APLF: variants seen among roughly 807,000 people sequenced by gnomAD.
APLF encodes the protein aprataxin and PNKP like factor, also known as aprataxin and PNK-like factor.
In APLF, 61 loss-of-function variants were observed where a neutral mutation model predicts 55.6. That is an observed-to-expected ratio of 1.10 (90% CI 0.89 to 1.36). The LOEUF is 1.36. APLF is among the 40% of genes most tolerant of loss of function. APLF has a pLI of 0.00. For synonymous variants in APLF, 207 were observed against 214.8 expected (o/e 0.96, Z 0.32); for missense variants, 611 against 602.5 (o/e 1.01, Z -0.15).
intron 6 of APLF, among the ~76,000 whole-genome samples, chr2:68,531,809 A>T (rs1670265535): frequency 1.3e-5 from 2 of 152,232 alleles, no homozygotes. Flanking sequence ...ATCACAAGAA[A>T]AACTTTGAGA....
chr2:68,551,603 C>CTTCTTTTTT (rs71395976), intron 8 of APLF, among the ~76,000 whole-genome samples: 1 of 115,748 alleles, frequency 8.6e-6, no homozygotes, highest in African/African-American at 3.3e-5. Flanking sequence ...TCTTCTTCTT[C>CTTCTTTTTT]TTTTTTTTTT....
chr2:68,515,651 T>G (rs1021484161), intron 5 of APLF: 1 of 984,548 alleles, frequency 1.0e-6, no homozygotes, highest in Admixed American at 6.2e-5. Flanking sequence ...TGAGAGTAAT[T>G]TGACATTGGT....
chr2:68,547,284 A>T (rs1670735047), intron 8 of APLF, among the ~76,000 whole-genome samples: 1 of 151,838 alleles, frequency 6.6e-6, no homozygotes, highest in Non-Finnish European at 1.5e-5. Context: ...TGATTGAATT[A>T]TTCAGTAGTG....
chr2:68,477,081 T>C (rs547784865), intron 1 of APLF, among the ~76,000 whole-genome samples: 2 of 152,348 alleles, frequency 1.3e-5, no homozygotes, highest in Non-Finnish European at 2.9e-5. Flanking sequence ...AAATCTATTA[T>C]AAAAAGGTAA....
At chr2:68,527,928 G>T (rs1670122785) in intron 6 of APLF, among the ~76,000 whole-genome samples, 2 of 138,908 alleles carry the variant, frequency 1.4e-5, no homozygotes, top group South Asian at 2.3e-4. Context: ...ACTCCTCACT[G>T]CCCAGACGGG....
At chr2:68,569,953 G>A (rs891054199) in intron 9 of APLF, among the ~76,000 whole-genome samples, 11 of 152,026 alleles carry the variant, frequency 7.2e-5, no homozygotes, top group Admixed American at 3.3e-4. Flanking sequence ...TGAGGTGGGG[G>A]TATCATAAGA....
chr2:68,579,107 C>T lies in APLF; in HGVS notation c.*1085C>T, dbSNP rs907848141. ...AAGCCAAAAGAATCTTTGTTAAATG[C>T]TATTATTTTCTACTCTAAAGGAACC... On this transcript the variant is annotated 3_prime_UTR_variant, in exon 10 of 10. Transcript: ENST00000303795. The T allele has an allele frequency of 8.4e-6, 8 of 956,472 alleles. No homozygotes were observed. The highest frequency in any genetic ancestry group is 4.8e-5 in the South Asian group (1 of 20,648). The allele number at this position is 956,472 out of a possible 1,614,324, so 59.2% of individuals were successfully genotyped here. A position where few individuals can be genotyped will look rare whatever the true frequency, so the allele number is the denominator to read the frequency against.
In APLF at chr2:68,513,661, A is replaced by G. The variant is rs1200871388; in HGVS notation, c.603A>G (p.Ser201=). The change falls in exon 5 of 10, where the codon TCA becomes TCG. Residue 201 remains serine (S), a synonymous_variant. Transcript: ENST00000303795. ...LAEHLSDQNL[S]VPAISGGNVI... ...AACATTTAAGTGATCAAAACCTTTC[A>G]GTACCAGCAATCAGTGGAGGTAGGT... 2.5e-6 allele frequency: 4 copies of G among 1,611,146 alleles called. No individual in the cohort carries two copies. Among genetic ancestry groups the G allele is most frequent in the East Asian group, 2.2e-5 (1 of 44,768 alleles).
rs1461216805 is a variant in APLF, at chr2:68,578,189, T to C, written c.*167T>C. On this transcript the variant is annotated 3_prime_UTR_variant, in exon 10 of 10. Coordinates refer to ENST00000303795, the MANE Select transcript of APLF (RefSeq NM_173545.3). The stretch of plus-strand genomic sequence containing the variant: ...GAGACATTGAAACGTCAGCCTTCAG[T>C]ATAATAGATGGAATTTTTTGTTGCC... 2 of 1,372,372 alleles carry C rather than the reference T, an allele frequency of 1.5e-6. No homozygotes were observed. The highest frequency in any genetic ancestry group is 1.9e-6 in the Non-Finnish European group (2 of 1,064,000). The allele number at this position is 1,372,372 out of a possible 1,614,324, so 85.0% of individuals were successfully genotyped here.
chr2:68,522,563 G>C (rs983820983), intron 5 of APLF, among the ~76,000 whole-genome samples: 14 of 151,750 alleles, frequency 9.2e-5, no homozygotes, highest in East Asian at 1.9e-4. Flanking sequence ...GGCACAATTT[G>C]AATAATTGAA....
Position 68,528,426 on chromosome 2 carries a change from C to A in APLF, c.804+2184C>A. 4 of 1,534,338 alleles carry A rather than the reference C, an allele frequency of 2.6e-6. No homozygotes were observed. In the South Asian group the frequency reaches 3.6e-5, roughly 14 times the overall value. ...AGCTTAGCCGGTGGGGGCCTCTCATCTCTCTCCCACCTCAGTTGCAGGGGA... is the reference window on the plus strand; with the variant it reads ...AGCTTAGCCGGTGGGGGCCTCTCATATCTCTCCCACCTCAGTTGCAGGGGA... On this transcript the variant is annotated intron_variant, in intron 6 of 9. Coordinates refer to ENST00000303795, the MANE Select transcript of APLF (RefSeq NM_173545.3).
At chr2:68,520,963 C>A (rs1669880687) in intron 5 of APLF, among the ~76,000 whole-genome samples, 1 of 151,746 alleles carries the variant, frequency 6.6e-6, no homozygotes, top group Non-Finnish European at 1.5e-5. Flanking sequence ...GTGATATGTT[C>A]CCATTTGTTT....
At chr2:68,572,037 A>G (rs886543230) in intron 9 of APLF, among the ~76,000 whole-genome samples, 4 of 152,084 alleles carry the variant, frequency 2.6e-5, no homozygotes, top group African/African-American at 7.2e-5. Flanking sequence ...GTATACATGT[A>G]TGTGCTTATA....
rs570410889 is a variant in APLF at position 68,572,282 on chromosome 2, G to C, written c.1333+4895G>C. Reference sequence around the variant, plus strand: ...AATATGAATACCAACTAGTTGCTTAGTGCATTTAAAAAAATTACTCTTTAA... The same window carrying C: ...AATATGAATACCAACTAGTTGCTTACTGCATTTAAAAAAATTACTCTTTAA... On this transcript the variant is annotated intron_variant, in intron 9 of 9. Transcript: ENST00000303795. Among the ~76,000 whole-genome samples the C allele has an allele frequency of 5.3e-5, 8 of 152,100 alleles. No individual in the cohort carries two copies. The South Asian group carries it at 1.5e-3, about 28-fold the overall frequency.
At position 68,526,129 on chromosome 2, in the gene APLF, C is replaced by T; in HGVS notation, c.691C>T (p.Gln231Ter). 1 of 1,613,830 alleles carries T rather than the reference C, an allele frequency of 6.2e-7. No homozygotes were observed. The highest frequency in any genetic ancestry group is 2.2e-5 in the East Asian group (1 of 44,848). ...KDKSQLNTTQ[Q>*]GRRQLISSGS... ...TAAATCCCAGCTAAACACAACCCAG[C>T]AAGGAAGAAGGCAATTAATTTCATC... is the stretch of plus-strand genomic sequence containing the variant. Residue 231 changes from glutamine to a stop codon, truncating the protein, a stop_gained, in exon 6 of 10, where the codon CAA becomes TAA. Coordinates refer to ENST00000303795, the MANE Select transcript of APLF (RefSeq NM_173545.3). LOFTEE classifies it high-confidence loss of function.
chr2:68,536,258 G>A (rs1313945873), intron 6 of APLF, among the ~76,000 whole-genome samples: 4 of 152,080 alleles, frequency 2.6e-5, no homozygotes. Flanking sequence ...TTCCCCATAG[G>A]TTATCTGTTA....
Position 68,526,197 on chromosome 2 carries a change from A to C in APLF, c.759A>C (p.Glu253Asp). The C allele has an allele frequency of 6.2e-7, 1 of 1,613,498 alleles. No individual in the cohort carries two copies. Among genetic ancestry groups the C allele is most frequent in the Non-Finnish European group, 8.5e-7 (1 of 1,179,834 alleles). ...CATCAGCAGAACAAGACACAGGAGA[A>C]GAGTGCAAAAATACTGATCAGGAAG... ...ENTSAEQDTG[E>D]ECKNTDQEES... The change falls in exon 6 of 10, where the codon GAA becomes GAC. Residue 253 changes from glutamate (E) to aspartate (D), a missense_variant. Physicochemically the swap from Glu to Asp is conservative, Grantham distance 45 (BLOSUM62 2). Coordinates refer to ENST00000303795, the MANE Select transcript of APLF (RefSeq NM_173545.3).
intron 8 of APLF, among the ~76,000 whole-genome samples, chr2:68,565,563 AAG>A (rs1233793328): frequency 1.1e-4 from 17 of 152,080 alleles, no homozygotes; most frequent in African/African-American, 4.1e-4. Flanking sequence ...ACATAGATAA[AAG>A]AAGTTAATAT....
chr2:68,535,618 T>A (rs1392252317), intron 6 of APLF, among the ~76,000 whole-genome samples: 2 of 151,274 alleles, frequency 1.3e-5, no homozygotes, highest in East Asian at 3.9e-4. Flanking sequence ...TTTTTTTTTT[T>A]AATGTGATAA....
Sources: allele counts gnomAD v4.1 joint callset (sites outside exome capture counted in the v4.1 genomes callset), GRCh38; gene constraint gnomAD v4.1.1; transcripts MANE v1.5; gene names NCBI Gene and HGNC (gene_info 2026-07-23, HGNC 2026-07-21).